The following CDH9 variants were observed in gnomAD, a reference collection of about 807,000 sequenced individuals.
The protein encoded by CDH9 is cadherin 9.
CDH9 carries 28 observed loss-of-function variants against 70.9 expected under a neutral mutation model. The observed-to-expected ratio is 0.40, with a 90% CI of 0.29 to 0.54. The LOEUF is 0.54. Ranked by LOEUF, CDH9 falls within the 20% of genes least tolerant of loss-of-function variation. The probability of loss-of-function intolerance (pLI) is 0.59; values close to 1 mark genes in which losing one functional copy is unlikely to be tolerated. For missense variants in CDH9, 874 were observed against 984.4 expected (o/e 0.89, Z 1.50); for synonymous variants, 409 against 343.1 (o/e 1.19, Z -2.12).
chr5:26,977,116 G>T (rs1475886720), intron 2 of CDH9, among the ~76,000 whole-genome samples: 1 of 151,922 alleles, frequency 6.6e-6, no homozygotes, highest in East Asian at 1.9e-4. Flanking sequence ...TATGCCCATT[G>T]TTCTAGTAAT....
intron 2 of CDH9, among the ~76,000 whole-genome samples, chr5:26,939,473 T>C (rs966855006): frequency 3.3e-5 from 5 of 151,620 alleles, no homozygotes; most frequent in Non-Finnish European, 5.9e-5. Context: ...CATATGTATA[T>C]ATACTGTCTC....
At chr5:26,995,274 C>T (rs1742647537) in intron 1 of CDH9, among the ~76,000 whole-genome samples, 1 of 152,082 alleles carries the variant, frequency 6.6e-6, no homozygotes, top group Non-Finnish European at 1.5e-5. Context: ...ATGACATTGA[C>T]TTAACATTCC....
At chr5:26,905,484 G>A (rs944923989) in intron 5 of CDH9, among the ~76,000 whole-genome samples, 9 of 152,086 alleles carry the variant, frequency 5.9e-5, no homozygotes, top group African/African-American at 2.2e-4. Flanking sequence ...CAAGAAGTCT[G>A]TGTTTCAGAA....
At chr5:26,930,093 T>C (rs555221131) in intron 2 of CDH9, among the ~76,000 whole-genome samples, 35 of 152,196 alleles carry the variant, frequency 2.3e-4, no homozygotes, top group Non-Finnish European at 4.6e-4. Flanking sequence ...TGTATCAAAA[T>C]ATCTCATGTG....
intron 2 of CDH9, among the ~76,000 whole-genome samples, chr5:26,947,880 C>T (rs540906222): frequency 1.3e-5 from 2 of 152,258 alleles, no homozygotes; most frequent in South Asian, 4.2e-4. Context: ...AGCAGGCTGC[C>T]TGGTTCACTC....
chr5:26,889,755 C>A, intron 9 of CDH9, 81 bp downstream of exon 9: 1 of 797,260 alleles, frequency 1.3e-6, no homozygotes, highest in South Asian at 1.9e-5. Flanking sequence ...CAAAAGAAAT[C>A]CTGCAAATAA....
At chr5:26,976,815 C>T (rs957411656) in intron 2 of CDH9, among the ~76,000 whole-genome samples, 5 of 151,864 alleles carry the variant, frequency 3.3e-5, no homozygotes, top group African/African-American at 9.7e-5. Context: ...TCTATTAAGT[C>T]TTTTTGGTTT....
chr5:26,901,332 A>G (rs1363844554), intron 7 of CDH9, among the ~76,000 whole-genome samples: 1 of 151,934 alleles, frequency 6.6e-6, no homozygotes, highest in African/African-American at 2.4e-5. Context: ...TCAATCTAAT[A>G]TAAGCTCTAG....
At chr5:26,882,245 A>G (rs1269859522) in intron 11 of CDH9, among the ~76,000 whole-genome samples, 1 of 152,082 alleles carries the variant, frequency 6.6e-6, no homozygotes, top group East Asian at 1.9e-4. Flanking sequence ...TAAAAGTTAC[A>G]ATATAAAACT....
At chr5:26,911,782 G>C (rs887462386) in intron 3 of CDH9, among the ~76,000 whole-genome samples, 3 of 152,048 alleles carry the variant, frequency 2.0e-5, no homozygotes, top group Non-Finnish European at 4.4e-5. Flanking sequence ...TATATGTTCT[G>C]ATTAGAATAT....
intron 1 of CDH9, among the ~76,000 whole-genome samples, chr5:27,011,796 A>G (rs1475550872): frequency 6.6e-6 from 1 of 152,144 alleles, no homozygotes; most frequent in East Asian, 1.9e-4. Flanking sequence ...ATATTTGCAA[A>G]TGTTCTAGAA....
chr5:26,992,674 G>C (rs765829946), intron 1 of CDH9, among the ~76,000 whole-genome samples: 72 of 152,150 alleles, frequency 4.7e-4, no homozygotes, highest in Admixed American at 4.6e-4. Context: ...ATAGGTAAAG[G>C]CTGAGAGAGT....
chr5:26,945,663 A>G (rs1263494068), intron 2 of CDH9, among the ~76,000 whole-genome samples: 1 of 152,224 alleles, frequency 6.6e-6, no homozygotes, highest in South Asian at 2.1e-4. Flanking sequence ...GCATATGGTC[A>G]TATCACATTT....
intron 7 of CDH9, among the ~76,000 whole-genome samples, chr5:26,898,441 A>AACCAAAACAGCATGTTACTGGC (rs2111982584): frequency 6.6e-6 from 1 of 152,300 alleles, no homozygotes; most frequent in East Asian, 1.9e-4. Context: ...AGTCTTCAGT[A>AACCAAAACAGCATGTTACTGGC]ACCAAAACAG....
chr5:27,015,400 T>C (rs946202207), intron 1 of CDH9, among the ~76,000 whole-genome samples: 12 of 151,954 alleles, frequency 7.9e-5, no homozygotes, highest in African/African-American at 2.6e-4. Context: ...CTTTTATTTC[T>C]TGTGCATACT....
chr5:26,954,910 G>A (rs1006541016), intron 2 of CDH9, among the ~76,000 whole-genome samples: 7 of 152,122 alleles, frequency 4.6e-5, no homozygotes, highest in Non-Finnish European at 1.0e-4. Flanking sequence ...GCTTATACCT[G>A]TAATCCCCAC....
intron 2 of CDH9, among the ~76,000 whole-genome samples, chr5:26,925,158 A>T (rs903458822): frequency 6.6e-6 from 1 of 151,816 alleles, no homozygotes; most frequent in African/African-American, 2.4e-5. Context: ...ATTAATTTAC[A>T]CTCCCACCAG....
At chr5:26,963,531 C>T (rs1043287366) in intron 2 of CDH9, among the ~76,000 whole-genome samples, 1 of 151,678 alleles carries the variant, frequency 6.6e-6, no homozygotes, top group Non-Finnish European at 1.5e-5. Flanking sequence ...AAAATTAGCA[C>T]CAAATGAATA....
chr5:26,957,263 C>T (rs1314838004), intron 2 of CDH9, among the ~76,000 whole-genome samples: 10 of 151,948 alleles, frequency 6.6e-5, no homozygotes, highest in African/African-American at 2.4e-4. Context: ...TGTAGGAGTG[C>T]TGTGAAGGCA....
Sources: allele counts gnomAD v4.1 joint callset (sites outside exome capture counted in the v4.1 genomes callset), GRCh38; gene constraint gnomAD v4.1.1; transcripts MANE v1.5; gene names NCBI Gene and HGNC (gene_info 2026-07-23, HGNC 2026-07-21).